SLC5A4: variants seen among roughly 807,000 people sequenced by gnomAD.
SLC5A4 encodes the protein probable glucose sensor protein SLC5A4.
Under a neutral mutation model 70.3 loss-of-function variants are expected in SLC5A4, and 55 were observed. The ratio of observed to expected loss-of-function variants is 0.78; its 90% CI spans 0.63 to 0.98. The LOEUF (loss-of-function observed/expected upper bound fraction) is 0.98, where lower values mean the gene tolerates loss of function less well. Among genes scored for constraint, SLC5A4 ranks in the 50% least tolerant of loss-of-function variants. SLC5A4 has a pLI of 0.00. For missense variants in SLC5A4, 735 were observed against 839.2 expected, an observed-to-expected ratio of 0.88 and a Z score of 1.53; for synonymous variants, 268 against 305.7, an observed-to-expected ratio of 0.88 and a Z score of 1.29.
the SLC5A4 span, among the ~76,000 whole-genome samples, chr22:32,352,616 G>A: frequency 6.6e-6 from 1 of 152,018 alleles, no homozygotes; most frequent in Non-Finnish European, 1.5e-5. Flanking sequence ...TGTCACAGAG[G>A]CCCACAGCTT....
chr22:32,304,648 C>T, the SLC5A4 span, among the ~76,000 whole-genome samples: 1 of 152,160 alleles, frequency 6.6e-6, no homozygotes. Flanking sequence ...GCAGCTGTGT[C>T]TTTTTGCAAA....
chr22:32,284,328 A>G, the SLC5A4 span, among the ~76,000 whole-genome samples: 4 of 152,352 alleles, frequency 2.6e-5, no homozygotes, highest in South Asian at 2.1e-4. Context: ...CTATTGCCAT[A>G]TAACAAACCA....
the SLC5A4 span, among the ~76,000 whole-genome samples, chr22:32,305,646 C>T: frequency 7.4e-6 from 1 of 135,632 alleles, no homozygotes; most frequent in Non-Finnish European, 1.6e-5. Context: ...GCGGGTGGGG[C>T]CAGAATCAAC....
chr22:32,308,259 T>G, the SLC5A4 span, among the ~76,000 whole-genome samples: 4 of 152,142 alleles, frequency 2.6e-5, no homozygotes, highest in Non-Finnish European at 4.4e-5. Context: ...GTTGAAAAAT[T>G]AAAATAAGCC....
At chr22:32,332,872 C>T in the SLC5A4 span, among the ~76,000 whole-genome samples, 4 of 152,300 alleles carry the variant, frequency 2.6e-5, no homozygotes, top group East Asian at 5.8e-4. Context: ...TCCTTTTCAT[C>T]GGCAGCCTCT....
At chr22:32,308,905 C>T in the SLC5A4 span, among the ~76,000 whole-genome samples, 1 of 152,318 alleles carries the variant, frequency 6.6e-6, no homozygotes, top group East Asian at 1.9e-4. Context: ...TGCACATGTT[C>T]CCAATAACTT....
At chr22:32,309,726 A>G in the SLC5A4 span, among the ~76,000 whole-genome samples, 1 of 152,068 alleles carries the variant, frequency 6.6e-6, no homozygotes, top group Non-Finnish European at 1.5e-5. Context: ...CGGCTCCTCC[A>G]TGAGACAGCA....
At chr22:32,293,699 C>T in the SLC5A4 span, among the ~76,000 whole-genome samples, 2 of 152,074 alleles carry the variant, frequency 1.3e-5, no homozygotes, top group African/African-American at 2.4e-5. Context: ...CTTCCTGTTG[C>T]TCTTTATTCC....
At chr22:32,336,923 A>G in the SLC5A4 span, among the ~76,000 whole-genome samples, 6 of 152,262 alleles carry the variant, frequency 3.9e-5, no homozygotes, top group Non-Finnish European at 7.3e-5. Context: ...TGCTTGCTGA[A>G]TAAATGAGTA....
chr22:32,329,163 T>C, the SLC5A4 span, among the ~76,000 whole-genome samples: 1 of 152,206 alleles, frequency 6.6e-6, no homozygotes, highest in Admixed American at 6.5e-5. Flanking sequence ...GGAGAGTTGT[T>C]GGGAGGCAAC....
the SLC5A4 span, among the ~76,000 whole-genome samples, chr22:32,332,036 C>T: frequency 1.3e-5 from 2 of 152,124 alleles, no homozygotes; most frequent in East Asian, 1.9e-4. Context: ...TCTCAGCCCC[C>T]ACCCCAGGCC....
chr22:32,250,164 A>G (rs1927059600), intron 3 of SLC5A4, among the ~76,000 whole-genome samples: 1 of 152,140 alleles, frequency 6.6e-6, no homozygotes, highest in African/African-American at 2.4e-5. Context: ...CTTAGAGGTG[A>G]GCAGTGATGT....
chr22:32,307,895 A>G, the SLC5A4 span, among the ~76,000 whole-genome samples: 2 of 152,104 alleles, frequency 1.3e-5, no homozygotes. Context: ...CCACGTGAGC[A>G]GGATGATTAA....
the SLC5A4 span, among the ~76,000 whole-genome samples, chr22:32,276,294 T>C: frequency 6.6e-6 from 1 of 152,242 alleles, no homozygotes; most frequent in African/African-American, 2.4e-5. Context: ...TAATCTGAGC[T>C]ATCAATGAAT....
chr22:32,262,554 C>G, the SLC5A4 span, among the ~76,000 whole-genome samples: 2 of 152,240 alleles, frequency 1.3e-5, no homozygotes, highest in South Asian at 4.1e-4. Context: ...TCTTCTTTAT[C>G]GACAAGTTTT....
the SLC5A4 span, among the ~76,000 whole-genome samples, chr22:32,304,104 G>A: frequency 6.6e-6 from 1 of 152,086 alleles, no homozygotes; most frequent in Non-Finnish European, 1.5e-5. Context: ...TTTGGTCTTT[G>A]GCTCATTTTT....
At chr22:32,319,998 T>C in the SLC5A4 span, among the ~76,000 whole-genome samples, 120,809 of 152,036 alleles carry the variant, frequency 0.79, 48,510 homozygotes, top group African/African-American at 0.93. Flanking sequence ...CTCCAAGAAA[T>C]GGATCAATTT....
chr22:32,245,368 A>T (rs1926760247), intron 5 of SLC5A4, among the ~76,000 whole-genome samples: 1 of 152,130 alleles, frequency 6.6e-6, no homozygotes, highest in South Asian at 2.1e-4. Context: ...GCTTCCCTGC[A>T]CCCACACCTA....
the SLC5A4 span, chr22:32,269,859 A>G: frequency 3.3e-6 from 2 of 614,812 alleles, no homozygotes; most frequent in African/African-American, 3.6e-5. The surrounding 1 kb of genome is among the most constrained non-coding windows in gnomAD (Gnocchi z 4.1). Context: ...GACCCTCATC[A>G]CCGATGGCAT....
Sources: gnomAD v4.1 joint callset for allele counts (sites outside exome capture counted in the v4.1 genomes callset) on GRCh38, gnomAD v4.1.1 for gene constraint, Gnocchi (gnomAD v3.1) non-coding constraint, MANE v1.5 for transcripts, NCBI Gene and HGNC (gene_info 2026-07-23, HGNC 2026-07-21) for gene names.